ACVR1B: variants seen among roughly 807,000 people sequenced by gnomAD.
The protein encoded by ACVR1B is activin A receptor type 1B.
Under a neutral mutation model 55.6 loss-of-function variants are expected in ACVR1B, and 15 were observed. That is an observed-to-expected ratio of 0.27 (90% CI 0.18 to 0.42). The LOEUF (loss-of-function observed/expected upper bound fraction) is 0.42. ACVR1B is among the 10% of genes least tolerant of loss of function. The probability of loss-of-function intolerance (pLI) is 1.00; values close to 1 mark genes in which losing one functional copy is unlikely to be tolerated. For missense variants in ACVR1B, 359 were observed against 670.1 expected (o/e 0.54, Z 5.13); for synonymous variants, 247 against 254.6 (o/e 0.97, Z 0.28).
intron 1 of ACVR1B, among the ~76,000 whole-genome samples, chr12:51,965,582 A>C (rs949190040): frequency 6.6e-6 from 1 of 152,188 alleles, no homozygotes; most frequent in African/African-American, 2.4e-5. Flanking sequence ...GCTGCATCAA[A>C]GCACAATGGG....
rs752398330 is a variant in ACVR1B, at chr12:51,981,022, A to G, written c.634A>G (p.Ile212Val). ...TVARTIVLQEIIGKGRFGEVW... is the reference protein window; with the variant it reads ...TVARTIVLQEVIGKGRFGEVW... Reference sequence around the variant, plus strand: ...GGCCCGAACCATCGTTTTACAAGAGATTATTGGCAAGGGTCGGTTTGGGGA... The same window carrying G: ...GGCCCGAACCATCGTTTTACAAGAGGTTATTGGCAAGGGTCGGTTTGGGGA... The change falls in exon 4 of 9, where the codon ATT becomes GTT. Residue 212 changes from isoleucine (I) to valine (V), a missense_variant. Around this residue, in one of 5 missense-constraint regions of ACVR1B, gnomAD observed 119 missense variants for 340.2 expected, o/e 0.35. Transcript: ENST00000257963. 2.5e-6 allele frequency: 4 copies of G among 1,614,056 alleles called. No homozygotes were observed. In the South Asian group the frequency reaches 4.4e-5, roughly 18 times the overall value.
In ACVR1B at chr12:51,996,239, G is replaced by A. The variant is rs1942294773; in HGVS notation, c.*2129G>A. ...TTCTGAGCCCCCTTCCTGTCCCCAG[G>A]GGAGGTGTATTGTGTATGTAGCCTT... On this transcript the variant is annotated 3_prime_UTR_variant, in exon 9 of 9. Transcript: ENST00000257963. 1 of 152,506 alleles carries A rather than the reference G, an allele frequency of 6.6e-6. No homozygotes were observed. The highest frequency in any genetic ancestry group is 2.4e-5 in the African/African-American group (1 of 41,398). The allele number at this position is 152,506 out of a possible 1,614,324, so 9.4% of individuals were successfully genotyped here.
chr12:51,977,439 A>C (rs968438570), intron 3 of ACVR1B, among the ~76,000 whole-genome samples: 1 of 152,162 alleles, frequency 6.6e-6, no homozygotes, highest in Admixed American at 6.5e-5. Flanking sequence ...CTGGGATTAC[A>C]GGAATGCGCC....
chr12:51,965,635 G>A (rs1000543407), intron 1 of ACVR1B, among the ~76,000 whole-genome samples: 2 of 152,238 alleles, frequency 1.3e-5, no homozygotes, highest in South Asian at 2.1e-4. Context: ...ATGTGAGATC[G>A]TTCAGCGAGG....
intron 1 of ACVR1B, among the ~76,000 whole-genome samples, chr12:51,953,816 A>C (rs938222504): frequency 1.3e-5 from 2 of 152,134 alleles, no homozygotes; most frequent in African/African-American, 4.8e-5. Context: ...AATGGGGCAG[A>C]GTTCATTTTT....
chr12:51,982,788 C>CAAG, intron 4 of ACVR1B: 2 of 1,527,958 alleles, frequency 1.3e-6, no homozygotes, highest in Non-Finnish European at 1.7e-6. Context: ...AGGGGAAGAG[C>CAAG]AAGATTTTTA....
chr12:51,960,869 T>C (rs1257881189), intron 1 of ACVR1B, among the ~76,000 whole-genome samples: 1 of 152,256 alleles, frequency 6.6e-6, no homozygotes, highest in African/African-American at 2.4e-5. Context: ...GGATCAACTC[T>C]AGACCCCTTA....
chr12:51,990,286 T>TCACA (rs202177119), intron 7 of ACVR1B, among the ~76,000 whole-genome samples: 8 of 138,718 alleles, frequency 5.8e-5, no homozygotes, highest in African/African-American at 1.9e-4. Context: ...AGAGTGAAAC[T>TCACA]CACACACACA....
intron 1 of ACVR1B, among the ~76,000 whole-genome samples, chr12:51,952,977 C>A (rs527446634): frequency 2.0e-4 from 31 of 152,136 alleles, no homozygotes; most frequent in African/African-American, 7.2e-4. Context: ...GCAGATGAAA[C>A]CCTAAAATAT....
rs116928624 is a variant in ACVR1B at position 51,992,659 on chromosome 12, A to G, written c.1392+666A>G. On this transcript the variant is annotated intron_variant, in intron 8 of 8. Coordinates refer to ENST00000257963, the MANE Select transcript of ACVR1B (RefSeq NM_004302.5). ...ATGGAAGAGTGAGGAGGAGGTGTCC[A>G]TAAGAGAAGCCCTGAGACCAGACAG... 6.6e-4 allele frequency among the ~76,000 whole-genome samples: 101 copies of G among 152,324 alleles called. No homozygotes were observed. In the East Asian group the frequency reaches 0.016, roughly 25 times the overall value.
At chr12:51,988,568 A>G (rs559001438) in intron 7 of ACVR1B, among the ~76,000 whole-genome samples, 1 of 152,372 alleles carries the variant, frequency 6.6e-6, no homozygotes, top group East Asian at 1.9e-4. Context: ...GGCTAAATAT[A>G]TAATAATGCT....
rs1941448918 is a variant in ACVR1B, at chr12:51,958,223, A to G, written c.91+6389A>G. ...TTTAATACATGTAGTTAGAAGTCCCATTTCCAGACTGCAAACTAAACATAT... is the reference window on the plus strand; with the variant it reads ...TTTAATACATGTAGTTAGAAGTCCCGTTTCCAGACTGCAAACTAAACATAT... On this transcript the variant is annotated intron_variant, in intron 1 of 8. Transcript: ENST00000257963. 2.0e-5 allele frequency among the ~76,000 whole-genome samples: 3 copies of G among 152,346 alleles called. No individual in the cohort carries two copies. In the South Asian group the frequency reaches 6.2e-4, roughly 32 times the overall value.
rs1941297719 is a variant in ACVR1B, at chr12:51,951,724, CG to C, written c.-18del. On this transcript the variant is annotated 5_prime_UTR_variant, in exon 1 of 9. Transcript: ENST00000257963. ...GGGCGCTGCTGGGCTGCGGCGGCGGCGGCGGCGGCGGTGGTTACTATGGCGG... is the reference window on the plus strand; with the variant it reads ...GGGCGCTGCTGGGCTGCGGCGGCGGCGCGGCGGCGGTGGTTACTATGGCGG... 8.3e-7 allele frequency: 1 copy of C among 1,205,578 alleles called. No homozygotes were observed. Among genetic ancestry groups the C allele is most frequent in the East Asian group, 3.4e-5 (1 of 29,472 alleles). 74.7% of individuals were successfully genotyped at this position (1,205,578 alleles called of 1,614,324 possible).
At chr12:51,968,274 G>T (rs947087276) in intron 1 of ACVR1B, among the ~76,000 whole-genome samples, 3 of 152,226 alleles carry the variant, frequency 2.0e-5, no homozygotes, top group Non-Finnish European at 4.4e-5. Flanking sequence ...TGAGAAGCGT[G>T]CTATGGAAAC....
intron 4 of ACVR1B, among the ~76,000 whole-genome samples, chr12:51,983,244 T>C (rs1942013436): frequency 6.6e-6 from 1 of 152,228 alleles, no homozygotes; most frequent in Non-Finnish European, 1.5e-5. Flanking sequence ...GGCTTTGGTG[T>C]TTCTTTTTCT....
chr12:51,970,889 C>T (rs938941861), intron 1 of ACVR1B, among the ~76,000 whole-genome samples: 1 of 152,140 alleles, frequency 6.6e-6, no homozygotes, highest in Admixed American at 6.5e-5. Context: ...TTCATAATTA[C>T]TATAGCTTCA....
chr12:51,963,594 T>A (rs1941581980), intron 1 of ACVR1B, among the ~76,000 whole-genome samples: 1 of 152,228 alleles, frequency 6.6e-6, no homozygotes, highest in Admixed American at 6.5e-5. Flanking sequence ...ATATAATGTT[T>A]TTGAGTTTCA....
chr12:51,978,534 A>G (rs1941911583), intron 3 of ACVR1B, among the ~76,000 whole-genome samples: 1 of 152,172 alleles, frequency 6.6e-6, no homozygotes, highest in Non-Finnish European at 1.5e-5. Context: ...AACAGATTAG[A>G]AAGAGCCTGA....
chr12:51,989,129 G>A (rs1018670389), intron 7 of ACVR1B, among the ~76,000 whole-genome samples: 1 of 151,836 alleles, frequency 6.6e-6, no homozygotes, highest in Non-Finnish European at 1.5e-5. Context: ...AGTGGCGGGC[G>A]CCTGTAATCT....
Sources: gnomAD v4.1 joint callset for allele counts (sites outside exome capture counted in the v4.1 genomes callset) on GRCh38, gnomAD v4.1.1 for gene constraint, gnomAD v4.1.1 regional missense constraint, MANE v1.5 for transcripts, NCBI Gene and HGNC (gene_info 2026-07-23, HGNC 2026-07-21) for gene names.